The following DCP1A variants were observed in gnomAD, a reference collection of about 807,000 sequenced individuals.
DCP1A encodes the protein decapping mRNA 1A, also known as mRNA-decapping enzyme 1A.
DCP1A carries 20 observed loss-of-function variants against 58.0 expected under a neutral mutation model. The ratio of observed to expected loss-of-function variants is 0.34; its 90% CI spans 0.24 to 0.50. The LOEUF is 0.50. DCP1A is among the 20% of genes least tolerant of loss of function. The pLI, the probability that DCP1A is intolerant of heterozygous loss-of-function variation, is 0.98. For synonymous variants in DCP1A, 285 were observed against 275.1 expected, an observed-to-expected ratio of 1.04 and a Z score of -0.36; for missense variants, 613 against 712.2, an observed-to-expected ratio of 0.86 and a Z score of 1.59.
chr3:53,342,126 TA>T lies in DCP1A; in HGVS notation c.304+17del. Reference sequence around the variant, plus strand: ...TCAATTTTAAATGTAATAACTATAATAAAACAGATATACTCACAGCTTGCAT... The same window carrying T: ...TCAATTTTAAATGTAATAACTATAATAAACAGATATACTCACAGCTTGCAT... On this transcript the variant is annotated intron_variant, in intron 3 of 9. Coordinates refer to ENST00000610213, the MANE Select transcript of DCP1A (RefSeq NM_018403.7). The T allele has an allele frequency of 6.3e-7, 1 of 1,578,444 alleles. No homozygotes were observed. The highest frequency in any genetic ancestry group is 1.2e-5 in the South Asian group (1 of 86,296).
intron 3 of DCP1A, among the ~76,000 whole-genome samples, chr3:53,319,875 AT>A (rs1277533900): frequency 5.9e-5 from 9 of 152,190 alleles, no homozygotes; most frequent in Admixed American, 3.9e-4. Flanking sequence ...CACACCTGTA[AT>A]CCCAGCACTT....
At chr3:53,299,906 C>A (rs1210350324) in intron 6 of DCP1A, among the ~76,000 whole-genome samples, 1 of 152,028 alleles carries the variant, frequency 6.6e-6, no homozygotes, top group Non-Finnish European at 1.5e-5. Flanking sequence ...CTTGCTCTGT[C>A]GCCCAGGCTG....
intron 3 of DCP1A, among the ~76,000 whole-genome samples, chr3:53,340,372 G>A (rs2089185300): frequency 6.6e-6 from 1 of 152,138 alleles, no homozygotes; most frequent in African/African-American, 2.4e-5. Flanking sequence ...AAATCTGAGA[G>A]GTAATTACCT....
At chr3:53,307,172 C>T (rs1553688162) in intron 5 of DCP1A, among the ~76,000 whole-genome samples, 2 of 152,058 alleles carry the variant, frequency 1.3e-5, no homozygotes, top group African/African-American at 4.8e-5. Flanking sequence ...TGGTCTTGAA[C>T]TCCTGACCTC....
intron 3 of DCP1A, among the ~76,000 whole-genome samples, chr3:53,322,537 G>C (rs1286329760): frequency 6.6e-6 from 1 of 151,662 alleles, no homozygotes; most frequent in Non-Finnish European, 1.5e-5. Flanking sequence ...TGTTATTGTA[G>C]AGTTAATGAA....
chr3:53,315,289 C>G (rs1013042335), intron 4 of DCP1A, among the ~76,000 whole-genome samples: 9 of 151,924 alleles, frequency 5.9e-5, no homozygotes, highest in Non-Finnish European at 8.8e-5. Context: ...CCTGTAATCC[C>G]AGCACTTTGG....
chr3:53,320,532 G>T (rs1468777862), intron 3 of DCP1A, among the ~76,000 whole-genome samples: 1 of 152,206 alleles, frequency 6.6e-6, no homozygotes, highest in South Asian at 2.1e-4. Context: ...GAAATGGCAG[G>T]TATCATTATG....
At chr3:53,327,768 G>C (rs913218668) in intron 3 of DCP1A, among the ~76,000 whole-genome samples, 10 of 151,350 alleles carry the variant, frequency 6.6e-5, no homozygotes, top group African/African-American at 2.2e-4. Flanking sequence ...TCCAGTCTGG[G>C]CAACAGAGCA....
At chr3:53,322,445 CTG>C (rs1291382073) in intron 3 of DCP1A, among the ~76,000 whole-genome samples, 2 of 149,630 alleles carry the variant, frequency 1.3e-5, no homozygotes, top group African/African-American at 2.5e-5. Context: ...GAGTGAAACT[CTG>C]TCTCAGAAAA....
chr3:53,335,328 G>A (rs528863670), intron 3 of DCP1A, among the ~76,000 whole-genome samples: 3 of 151,906 alleles, frequency 2.0e-5, no homozygotes, highest in African/African-American at 7.2e-5. Flanking sequence ...TTTAGTAGCG[G>A]TGGGGTTTCA....
intron 4 of DCP1A, among the ~76,000 whole-genome samples, chr3:53,316,714 G>A (rs1707825686): frequency 6.6e-6 from 1 of 151,162 alleles, no homozygotes; most frequent in Non-Finnish European, 1.5e-5. Context: ...CAAAGTGCTG[G>A]GACTACAGGC....
At chr3:53,335,840 T>G (rs1465337046) in intron 3 of DCP1A, among the ~76,000 whole-genome samples, 2 of 152,202 alleles carry the variant, frequency 1.3e-5, no homozygotes, top group African/African-American at 4.8e-5. Context: ...ATTCTTTTAT[T>G]TTTTGAGACA....
chr3:53,302,871 C>T (rs1482627879), intron 6 of DCP1A, among the ~76,000 whole-genome samples: 2 of 152,120 alleles, frequency 1.3e-5, no homozygotes, highest in African/African-American at 2.4e-5. Flanking sequence ...GATCTGCCTG[C>T]CTTGGCCTCC....
At chr3:53,289,571 C>A (rs1025164822) in intron 8 of DCP1A, among the ~76,000 whole-genome samples, 2 of 150,182 alleles carry the variant, frequency 1.3e-5, no homozygotes, top group South Asian at 4.2e-4. Context: ...GAGATAGTGC[C>A]ACTGCACTCC....
In DCP1A at chr3:53,292,206, C is replaced by T; in HGVS notation, c.1246G>A (p.Ala416Thr). 6.2e-7 allele frequency: 1 copy of T among 1,614,002 alleles called. No homozygotes were observed. The highest frequency in any genetic ancestry group is 8.5e-7 in the Non-Finnish European group (1 of 1,179,904). The change falls in exon 7 of 10, where the codon GCA (alanine) becomes ACA (threonine). Residue 416 changes from alanine (A) to threonine (T), a missense_variant. Around this residue, in one of 3 missense-constraint regions of DCP1A, gnomAD observed 498 missense variants for 556.7 expected, o/e 0.89. Coordinates refer to ENST00000610213, the MANE Select transcript of DCP1A (RefSeq NM_018403.7). ...QIQTQPLGKGAMVASFSPAAG... is the reference protein window; with the variant it reads ...QIQTQPLGKGTMVASFSPAAG... ...GCCGGAGAAAAGCTGGCTACCATTG[C>T]ACCTTTCCCAAGTGGTTGTGTCTGT...
intron 6 of DCP1A, among the ~76,000 whole-genome samples, chr3:53,299,930 C>T (rs374023948): frequency 3.9e-5 from 6 of 152,146 alleles, no homozygotes; most frequent in South Asian, 4.2e-4. Context: ...TGTGGTGGCA[C>T]GATCTTGGCT....
At position 53,286,816 on chromosome 3, in the gene DCP1A, C is replaced by T. The variant is rs1486994220; in HGVS notation, c.*764G>A. 1 of 152,176 alleles carries T rather than the reference C, an allele frequency of 6.6e-6. No homozygotes were observed. Among genetic ancestry groups the T allele is most frequent in the African/African-American group, 2.4e-5 (1 of 41,434 alleles). The allele number at this position is 152,176 out of a possible 1,614,324, so 9.4% of individuals were successfully genotyped here. Reference sequence around the variant, plus strand: ...TTTTCAGAACCAATGGAGAGTTTAACCTAAAATGAAGATTTGATAGGATGT... The same window carrying T: ...TTTTCAGAACCAATGGAGAGTTTAATCTAAAATGAAGATTTGATAGGATGT... On this transcript the variant is annotated 3_prime_UTR_variant, in exon 10 of 10. Transcript: ENST00000610213.
intron 4 of DCP1A, among the ~76,000 whole-genome samples, chr3:53,314,487 T>C (rs1345967180): frequency 2.6e-5 from 4 of 152,106 alleles, no homozygotes; most frequent in African/African-American, 9.7e-5. Flanking sequence ...TGCTCAAATA[T>C]AGGCCACATC....
intron 5 of DCP1A, among the ~76,000 whole-genome samples, chr3:53,310,427 G>T (rs781908775): frequency 3.3e-5 from 5 of 152,208 alleles, no homozygotes; most frequent in Non-Finnish European, 7.3e-5. Context: ...ACTTACTGGA[G>T]TATCTGCTTT....
Sources: allele counts gnomAD v4.1 joint callset (sites outside exome capture counted in the v4.1 genomes callset), GRCh38; gene constraint gnomAD v4.1.1; regional missense constraint gnomAD v4.1.1; transcripts MANE v1.5; gene names NCBI Gene and HGNC (gene_info 2026-07-23, HGNC 2026-07-21).